Variants in USP25 observed in about 807,000 individuals in gnomAD.
USP25 encodes ubiquitin specific peptidase 25.
USP25 carries 85 observed loss-of-function variants against 158.5 expected under a neutral mutation model. That is an observed-to-expected ratio of 0.54 (90% CI 0.45 to 0.64). The LOEUF is 0.64. Ranked by LOEUF, USP25 falls within the 30% of genes least tolerant of loss-of-function variation. The pLI is 0.00. For synonymous variants in USP25, 464 were observed against 460.4 expected (o/e 1.01, Z -0.10); for missense variants, 1,242 against 1,327.3 (o/e 0.94, Z 1.00).
chr21:15,838,214 G>A (rs1286203794), intron 17 of USP25, among the ~76,000 whole-genome samples: 1 of 151,392 alleles, frequency 6.6e-6, no homozygotes, highest in Non-Finnish European at 1.5e-5. Flanking sequence ...CAGGCATGAA[G>A]CCACCATGCC....
chr21:15,736,493 T>G (rs190047908), intron 1 of USP25, among the ~76,000 whole-genome samples: 111 of 152,300 alleles, frequency 7.3e-4, no homozygotes, highest in African/African-American at 2.6e-3. Flanking sequence ...GATTATCCAT[T>G]TATTAGTCTT....
intron 1 of USP25, among the ~76,000 whole-genome samples, chr21:15,735,443 G>A (rs1184678028): frequency 3.3e-5 from 5 of 151,994 alleles, no homozygotes; most frequent in Admixed American, 3.3e-4. Flanking sequence ...AAGTATGCTG[G>A]AGGATGTGTG....
chr21:15,878,745 C>T lies in USP25; in HGVS notation c.*270C>T. 3.0e-6 allele frequency: 1 copy of T among 332,230 alleles called. No individual in the cohort carries two copies. The highest frequency in any genetic ancestry group is 6.4e-5 in the South Asian group (1 of 15,748). 20.6% of individuals were successfully genotyped at this position (332,230 alleles called of 1,614,324 possible). On this transcript the variant is annotated 3_prime_UTR_variant, in exon 26 of 26. Transcript: ENST00000400183. ...GCAAAACTATGCTTTTGCCACCTTC[C>T]TGTTGCAGTATTACTTTGCTTTTAT...
In USP25 at chr21:15,771,438, C is replaced by T. The variant is rs116445396; in HGVS notation, c.268+5297C>T. On this transcript the variant is annotated intron_variant, in intron 3 of 25. Transcript: ENST00000400183. ...GCTCGTATTTGTACAGATACCTGAG[C>T]GAAGTGTGAGCATGAACTTTTGGCT... Among the ~76,000 whole-genome samples, 369 of 152,102 alleles carry T rather than the reference C, an allele frequency of 2.4e-3. 5 individuals carry two copies. The highest frequency in any genetic ancestry group is 8.4e-3 in the African/African-American group (348 of 41,494).
intron 1 of USP25, among the ~76,000 whole-genome samples, chr21:15,738,666 T>C (rs2031748239): frequency 1.3e-5 from 2 of 152,146 alleles, no homozygotes; most frequent in South Asian, 4.1e-4. Flanking sequence ...GTGTAAAAGA[T>C]CATATCATTA....
intron 20 of USP25, 48 bp downstream of exon 20, chr21:15,849,920 A>G (rs2146484421): frequency 7.6e-7 from 1 of 1,323,158 alleles, no homozygotes; most frequent in Non-Finnish European, 1.0e-6. Flanking sequence ...TCAAAATTAA[A>G]CTTCTTAAAA....
chr21:15,848,530 G>A (rs2038734342), intron 19 of USP25, among the ~76,000 whole-genome samples: 1 of 151,994 alleles, frequency 6.6e-6, no homozygotes, highest in Non-Finnish European at 1.5e-5. Flanking sequence ...AGAGGAGGCC[G>A]TAACTATTGG....
At chr21:15,789,972 A>G (rs188373954) in intron 4 of USP25, among the ~76,000 whole-genome samples, 48 of 152,108 alleles carry the variant, frequency 3.2e-4, no homozygotes, top group Admixed American at 1.3e-3. Flanking sequence ...TCAGGTTATT[A>G]TTATTCTGCT....
chr21:15,832,704 A>G (rs957394107), intron 16 of USP25, among the ~76,000 whole-genome samples: 1 of 150,914 alleles, frequency 6.6e-6, no homozygotes, highest in Non-Finnish European at 1.5e-5. Context: ...GTAGTATTAC[A>G]TCACTGTTAG....
At position 15,762,959 on chromosome 21, in the gene USP25, A is replaced by T; in HGVS notation, c.114A>T (p.Gln38His). 1.9e-6 allele frequency: 3 copies of T among 1,612,192 alleles called. No individual in the cohort carries two copies. The highest frequency in any genetic ancestry group is 1.7e-6 in the Non-Finnish European group (2 of 1,178,994). Residue 38 changes from glutamine to histidine, a missense_variant, in exon 2 of 26, where the codon CAA (glutamine) becomes CAT (histidine). By Grantham distance (24) the Gln-to-His change is conservative. Coordinates refer to ENST00000400183, the MANE Select transcript of USP25 (RefSeq NM_001283041.3). ...TGINDTQILQ[Q>H]ALKDSNGNLE... ...TTAATGACACCCAGATACTACAGCA[A>T]GCCTTGAAGGTATGGCCTCTGTTTT...
chr21:15,846,488 C>T (rs1209635250), intron 18 of USP25, among the ~76,000 whole-genome samples: 1 of 151,908 alleles, frequency 6.6e-6, no homozygotes, highest in Non-Finnish European at 1.5e-5. Flanking sequence ...TTAAAAGGGG[C>T]AGTACCAGTT....
intron 4 of USP25, among the ~76,000 whole-genome samples, chr21:15,787,106 T>G (rs990926308): frequency 6.6e-6 from 1 of 152,038 alleles, no homozygotes; most frequent in East Asian, 1.9e-4. Flanking sequence ...GAAAGAAATA[T>G]AAGACACAAA....
chr21:15,841,851 T>A (rs1207769117), intron 17 of USP25, among the ~76,000 whole-genome samples: 1 of 152,110 alleles, frequency 6.6e-6, no homozygotes, highest in East Asian at 1.9e-4. Context: ...GATATATAAG[T>A]CTGGAACTCA....
At position 15,766,702 on chromosome 21, in the gene USP25, A is replaced by C. The variant is rs1367736249; in HGVS notation, c.268+561A>C. Among the ~76,000 whole-genome samples, 1 of 152,064 alleles carries C rather than the reference A, an allele frequency of 6.6e-6. No individual in the cohort carries two copies. Among genetic ancestry groups the C allele is most frequent in the African/African-American group, 2.4e-5 (1 of 41,446 alleles). On this transcript the variant is annotated intron_variant, in intron 3 of 25. Coordinates refer to ENST00000400183, the MANE Select transcript of USP25 (RefSeq NM_001283041.3). This position sits in a 1 kb window ranked among gnomAD's most constrained non-coding sequence, Gnocchi z 4.0. ...ATGTGGAAGATTCTATGTGGGACTT[A>C]AGTTTTTCTTCATAATATGAATACT...
intron 1 of USP25, among the ~76,000 whole-genome samples, chr21:15,754,501 C>T (rs7364033): frequency 0.025 from 3,796 of 152,260 alleles, 160 homozygotes; most frequent in African/African-American, 0.083. Context: ...GAGTTCTTGT[C>T]GTCTTTGGAT....
rs200725081 is a variant in USP25, at chr21:15,826,996, G to A, written c.1486G>A (p.Ala496Thr). 6.2e-7 allele frequency: 1 copy of A among 1,613,822 alleles called. No individual in the cohort carries two copies. The highest frequency in any genetic ancestry group is 1.7e-5 in the Admixed American group (1 of 60,012). The change falls in exon 14 of 26, where the codon GCC becomes ACC. Residue 496 changes from alanine to threonine, a missense_variant. Coordinates refer to ENST00000400183, the MANE Select transcript of USP25 (RefSeq NM_001283041.3). This position sits in a 1 kb window ranked among gnomAD's most constrained non-coding sequence, Gnocchi z 4.8. ...TLPSTTEQQGALSSELPSTSP... is the reference protein window; with the variant it reads ...TLPSTTEQQGTLSSELPSTSP... ...ATACAGCACAACAGAACAACAGGGA[G>A]CCCTATCTTCAGAACTGCCAAGCAC... is the stretch of plus-strand genomic sequence containing the variant.
intron 11 of USP25, among the ~76,000 whole-genome samples, chr21:15,824,608 T>G (rs2037404332): frequency 6.6e-6 from 1 of 152,168 alleles, no homozygotes; most frequent in South Asian, 2.1e-4. Context: ...TCTGTCTATC[T>G]TTCTGTCTTT....
intron 17 of USP25, among the ~76,000 whole-genome samples, chr21:15,839,329 T>C (rs1374487698): frequency 6.6e-6 from 1 of 152,100 alleles, no homozygotes; most frequent in African/African-American, 2.4e-5. Context: ...GATGGGGTTT[T>C]TAATAGGGTT....
Position 15,843,131 on chromosome 21 carries a change from C to T in USP25, c.2337+591C>T, listed in dbSNP as rs371170636. On this transcript the variant is annotated intron_variant, in intron 18 of 25. Coordinates refer to ENST00000400183, the MANE Select transcript of USP25 (RefSeq NM_001283041.3). This position sits in a 1 kb window ranked among gnomAD's most constrained non-coding sequence, Gnocchi z 4.0. ...AGTTTTCAACTACATCTTTTTATAG[C>T]GGTAAATTGAGCATGTTTGGTGTTA... 5.6e-5 allele frequency among the ~76,000 whole-genome samples: 8 copies of T among 143,514 alleles called. No homozygotes were observed. The highest frequency in any genetic ancestry group is 2.1e-4 in the South Asian group (1 of 4,724). The allele number at this position is 143,514 out of a possible 152,430, so 94.2% of individuals were successfully genotyped here. A position where few individuals can be genotyped will look rare whatever the true frequency, so the allele number is the denominator to read the frequency against.
Sources: gnomAD v4.1 joint callset for allele counts (sites outside exome capture counted in the v4.1 genomes callset) on GRCh38, gnomAD v4.1.1 for gene constraint, Gnocchi (gnomAD v3.1) non-coding constraint, MANE v1.5 for transcripts, NCBI Gene and HGNC (gene_info 2026-07-23, HGNC 2026-07-21) for gene names.